CLRN1: variants seen among roughly 807,000 people sequenced by gnomAD.
The protein encoded by CLRN1 is clarin-1.
CLRN1 carries 15 observed loss-of-function variants against 18.7 expected under a neutral mutation model. The ratio of observed to expected loss-of-function variants is 0.80; its 90% CI spans 0.54 to 1.23. The LOEUF is 1.23. Among genes scored for constraint, CLRN1 ranks in the 50% most tolerant of loss-of-function variants. The pLI is 0.00. For missense variants in CLRN1, 311 were observed against 277.5 expected, an observed-to-expected ratio of 1.12 and a Z score of -0.86; for synonymous variants, 104 against 102.9, an observed-to-expected ratio of 1.01 and a Z score of -0.07.
At chr3:150,937,043 G>T (rs1028817604) in intron 2 of CLRN1, among the ~76,000 whole-genome samples, 3 of 152,050 alleles carry the variant, frequency 2.0e-5, no homozygotes, top group Non-Finnish European at 4.4e-5. Flanking sequence ...TGTAATTATT[G>T]CAAACTGTAA....
intron 1 of CLRN1, among the ~76,000 whole-genome samples, chr3:150,960,997 C>T (rs776797912): frequency 1.3e-5 from 2 of 152,214 alleles, no homozygotes; most frequent in Non-Finnish European, 2.9e-5. Flanking sequence ...GGCTGAGAGC[C>T]AAGTGTGCTC....
At chr3:150,933,750 C>T (rs146940579) in intron 2 of CLRN1, among the ~76,000 whole-genome samples, 1 of 152,208 alleles carries the variant, frequency 6.6e-6, no homozygotes, top group African/African-American at 2.4e-5. Context: ...CATAGCTGGG[C>T]CATGTACAAA....
At chr3:150,959,249 T>A (rs1243809464) in intron 1 of CLRN1, among the ~76,000 whole-genome samples, 2 of 152,032 alleles carry the variant, frequency 1.3e-5, no homozygotes, top group Non-Finnish European at 1.5e-5. Flanking sequence ...ATAATCTTTT[T>A]AGGGGAGGGA....
intron 1 of CLRN1, among the ~76,000 whole-genome samples, chr3:150,962,482 A>AATTGATGCT (rs1377869192): frequency 2.6e-5 from 4 of 152,230 alleles, no homozygotes; most frequent in African/African-American, 9.6e-5. Context: ...ACAAGATTTT[A>AATTGATGCT]ATTGATGCTA....
At chr3:150,948,353 G>A (rs1714289859) in intron 1 of CLRN1, among the ~76,000 whole-genome samples, 1 of 151,718 alleles carries the variant, frequency 6.6e-6, no homozygotes, top group African/African-American at 2.4e-5. Context: ...ACGTGGTAGC[G>A]GGCGCCTGTA....
At chr3:150,972,863 A>G, upstream of CLRN1, 1 of 1,001,230 alleles carries the variant, frequency 1.0e-6, no homozygotes, top group East Asian at 2.6e-5. Flanking sequence ...TCGCCAGGTT[A>G]AATGTCAGTA....
At position 150,927,124 on chromosome 3, in the gene CLRN1, T is replaced by C; in HGVS notation, c.*812A>G. 1 of 716,536 alleles carries C rather than the reference T, an allele frequency of 1.4e-6. No homozygotes were observed. The highest frequency in any genetic ancestry group is 1.7e-5 in the African/African-American group (1 of 57,420). The allele number at this position is 716,536 out of a possible 1,614,324, so 44.4% of individuals were successfully genotyped here. ...TTCCTCAGTGGTCCTAACAATTATG[T>C]TCATTGAAAGTACTGTCGTGAATGT... On this transcript the variant is annotated 3_prime_UTR_variant, in exon 3 of 3. Transcript: ENST00000327047.
Position 150,955,388 on chromosome 3 carries a change from C to T in CLRN1, c.254-13627G>A, listed in dbSNP as rs147909440. Among the ~76,000 whole-genome samples the T allele has an allele frequency of 3.0e-3, 459 of 152,108 alleles. 1 individual carries two copies. The highest frequency in any genetic ancestry group is 0.01 in the African/African-American group (416 of 41,480). Reference sequence around the variant, plus strand: ...TCTAAGAAGGATGAATTTTACTGTACGTAAATTATGCCTCAATAAACCCGA... The same window carrying T: ...TCTAAGAAGGATGAATTTTACTGTATGTAAATTATGCCTCAATAAACCCGA... On this transcript the variant is annotated intron_variant, in intron 1 of 2. Transcript: ENST00000327047.
At chr3:150,940,388 G>A (rs1713746013) in intron 2 of CLRN1, 3 of 1,175,770 alleles carry the variant, frequency 2.6e-6, no homozygotes, top group South Asian at 3.4e-5. Context: ...TTAACTACAG[G>A]CCTTTGTTTT....
intron 1 of CLRN1, among the ~76,000 whole-genome samples, chr3:150,966,436 G>A (rs896094501): frequency 3.3e-5 from 5 of 152,222 alleles, no homozygotes; most frequent in African/African-American, 4.8e-5. Flanking sequence ...GCTTGGAAGA[G>A]GAGTTTCTTG....
chr3:150,970,033 G>A (rs1006650684), intron 1 of CLRN1, among the ~76,000 whole-genome samples: 1 of 152,084 alleles, frequency 6.6e-6, no homozygotes, highest in Non-Finnish European at 1.5e-5. Flanking sequence ...CTTTCTAAAG[G>A]CACAATAAGA....
chr3:150,967,392 CT>C (rs1205311381), intron 1 of CLRN1, among the ~76,000 whole-genome samples: 5 of 150,146 alleles, frequency 3.3e-5, no homozygotes, highest in South Asian at 4.2e-4. Flanking sequence ...CCATTAATTG[CT>C]TTTTTTTTAA....
chr3:150,953,125 C>T (rs1714574072), intron 1 of CLRN1, among the ~76,000 whole-genome samples: 1 of 152,174 alleles, frequency 6.6e-6, no homozygotes, highest in Non-Finnish European at 1.5e-5. Flanking sequence ...TTTGCTTGGT[C>T]TCTCTGTTCT....
At chr3:150,929,278 TC>T (rs1311103770) in intron 2 of CLRN1, among the ~76,000 whole-genome samples, 3 of 152,030 alleles carry the variant, frequency 2.0e-5, no homozygotes, top group Non-Finnish European at 4.4e-5. Flanking sequence ...GGTGAGTGTC[TC>T]CCCCGAAGAT....
At chr3:150,945,582 G>A (rs1310174850) in intron 1 of CLRN1, 1 of 1,286,870 alleles carries the variant, frequency 7.8e-7, no homozygotes, top group African/African-American at 1.5e-5. Flanking sequence ...TAAATACAGA[G>A]GTGTTTGGAT....
At chr3:150,940,949 G>A (rs1006676613) in intron 2 of CLRN1, among the ~76,000 whole-genome samples, 1 of 152,096 alleles carries the variant, frequency 6.6e-6, no homozygotes, top group Non-Finnish European at 1.5e-5. Context: ...CTCATATGTG[G>A]GCGGAACACT....
chr3:150,964,267 A>C (rs1358362738), intron 1 of CLRN1, among the ~76,000 whole-genome samples: 1 of 152,186 alleles, frequency 6.6e-6, no homozygotes, highest in Non-Finnish European at 1.5e-5. Context: ...GACACTTCTC[A>C]AAAGAAGACA....
upstream of CLRN1, chr3:150,972,803 G>A: frequency 1.3e-6 from 2 of 1,564,866 alleles, no homozygotes; most frequent in East Asian, 2.3e-5. Context: ...TATTACGGAA[G>A]CTGAACGGAC....
At chr3:150,941,561 G>T (rs781265337) in intron 2 of CLRN1, 21 bp downstream of exon 2, 3 of 1,612,674 alleles carry the variant, frequency 1.9e-6, no homozygotes, top group Non-Finnish European at 2.5e-6. Flanking sequence ...TTTGTCTTCA[G>T]AGGTAGAATT....
Sources: gnomAD v4.1 joint callset for allele counts (sites outside exome capture counted in the v4.1 genomes callset) on GRCh38, gnomAD v4.1.1 for gene constraint, MANE v1.5 for transcripts, NCBI Gene and HGNC (gene_info 2026-07-23, HGNC 2026-07-21) for gene names.